The following CIMIP1 variants were observed in gnomAD, a reference collection of about 807,000 sequenced individuals.
The protein encoded by CIMIP1 is ciliary microtubule inner protein 1, also known as low in lung cancer 1.
the CIMIP1 span, among the ~76,000 whole-genome samples, chr20:58,159,441 G>C: frequency 6.6e-6 from 1 of 151,644 alleles, no homozygotes; most frequent in Non-Finnish European, 1.5e-5. Flanking sequence ...CTTGAACCCA[G>C]GAGGCAGACG....
At chr20:58,159,928 G>A in the CIMIP1 span, among the ~76,000 whole-genome samples, 127 of 152,248 alleles carry the variant, frequency 8.3e-4, 1 homozygote, top group East Asian at 0.017. Context: ...CCGCCTCACC[G>A]GCAGGTTCCA....
the CIMIP1 span, among the ~76,000 whole-genome samples, chr20:58,153,173 C>T: frequency 6.6e-6 from 1 of 152,212 alleles, no homozygotes; most frequent in Admixed American, 6.5e-5. Flanking sequence ...TGTCTCTGCA[C>T]TTGCAGGAAG....
chr20:58,154,283 A>G, the CIMIP1 span, among the ~76,000 whole-genome samples: 1,722 of 152,356 alleles, frequency 0.011, 26 homozygotes, highest in African/African-American at 0.039. Context: ...GGCAGCCAGC[A>G]TGAGCCCAGC....
the CIMIP1 span, chr20:58,160,618 T>G: frequency 1.3e-6 from 2 of 1,589,754 alleles, no homozygotes; most frequent in Non-Finnish European, 1.7e-6. Flanking sequence ...GCCTCGTGTC[T>G]CTGTGGCCGA....
chr20:58,155,391 C>A, the CIMIP1 span: 3 of 1,223,912 alleles, frequency 2.5e-6, no homozygotes, highest in Non-Finnish European at 3.5e-6. Flanking sequence ...TGAGGCTTCC[C>A]GTCTCTGGGG....
At chr20:58,154,118 G>A in the CIMIP1 span, among the ~76,000 whole-genome samples, 3 of 152,212 alleles carry the variant, frequency 2.0e-5, no homozygotes, top group Non-Finnish European at 4.4e-5. Flanking sequence ...ACATATGAGG[G>A]ATTCTTGGGA....
chr20:58,159,177 TTTC>T, the CIMIP1 span, among the ~76,000 whole-genome samples: 1 of 135,930 alleles, frequency 7.4e-6, no homozygotes, highest in Non-Finnish European at 1.6e-5. Context: ...GCATCTGCAC[TTTC>T]TTCTTTTTTT....
the CIMIP1 span, among the ~76,000 whole-genome samples, chr20:58,158,606 T>C: frequency 1.3e-5 from 2 of 151,622 alleles, no homozygotes; most frequent in African/African-American, 4.9e-5. Context: ...GCCGAGATCG[T>C]GCCACTGCAC....
chr20:58,155,066 A>G, the CIMIP1 span, among the ~76,000 whole-genome samples: 6 of 152,194 alleles, frequency 3.9e-5, no homozygotes, highest in Non-Finnish European at 5.9e-5. Flanking sequence ...TCGGCCTCCC[A>G]AAGTGTTGGG....
chr20:58,158,836 G>A, the CIMIP1 span, among the ~76,000 whole-genome samples: 3 of 152,120 alleles, frequency 2.0e-5, no homozygotes, highest in Non-Finnish European at 4.4e-5. Flanking sequence ...CATTTGTCAC[G>A]CACTCTTGCA....
the CIMIP1 span, among the ~76,000 whole-genome samples, chr20:58,157,861 G>A: frequency 6.6e-6 from 1 of 152,230 alleles, no homozygotes; most frequent in East Asian, 1.9e-4. Context: ...TAGAGGAAGA[G>A]AGACTGGGAT....
chr20:58,159,496 C>T, the CIMIP1 span, among the ~76,000 whole-genome samples: 1 of 146,838 alleles, frequency 6.8e-6, no homozygotes, highest in Non-Finnish European at 1.5e-5. Flanking sequence ...GCCTGGATGA[C>T]AGAGCAAGAC....
the CIMIP1 span, among the ~76,000 whole-genome samples, chr20:58,159,183 CTTTTTT>C: frequency 4.8e-5 from 5 of 104,080 alleles, no homozygotes; most frequent in African/African-American, 1.9e-4. Context: ...GCACTTTCTT[CTTTTTT>C]TTTTTTTTTT....
chr20:58,157,560 C>T, the CIMIP1 span, among the ~76,000 whole-genome samples: 1 of 152,298 alleles, frequency 6.6e-6, no homozygotes, highest in South Asian at 2.1e-4. Flanking sequence ...TCTTTCCATG[C>T]AGTTTAAAAA....
chr20:58,153,015 C>T, the CIMIP1 span, among the ~76,000 whole-genome samples: 2 of 152,054 alleles, frequency 1.3e-5, no homozygotes, highest in African/African-American at 2.4e-5. Context: ...CACGTGGGCT[C>T]GTCTACTGCA....
At chr20:58,160,815 T>G in the CIMIP1 span, 1 of 1,612,008 alleles carries the variant, frequency 6.2e-7, no homozygotes, top group East Asian at 2.2e-5. Context: ...AAGCAGGGCG[T>G]GCACTGAATC....
chr20:58,153,939 A>G, the CIMIP1 span, among the ~76,000 whole-genome samples: 11 of 152,324 alleles, frequency 7.2e-5, no homozygotes, highest in Middle Eastern at 3.4e-3. Flanking sequence ...CACACAACTG[A>G]TAAGGACCCT....
the CIMIP1 span, among the ~76,000 whole-genome samples, chr20:58,153,962 A>G: frequency 2.0e-5 from 3 of 152,188 alleles, no homozygotes; most frequent in African/African-American, 7.2e-5. Flanking sequence ...TCAGGTGAGA[A>G]GCAGGTGGGT....
At chr20:58,155,955 G>A in the CIMIP1 span, among the ~76,000 whole-genome samples, 13 of 152,294 alleles carry the variant, frequency 8.5e-5, no homozygotes, top group South Asian at 4.1e-4. Context: ...TGTGGTCTTG[G>A]GCAAGTGGCT....
Sources: gnomAD v4.1 joint callset for allele counts (sites outside exome capture counted in the v4.1 genomes callset) on GRCh38, gnomAD v4.1.1 for gene constraint, MANE v1.5 for transcripts, NCBI Gene and HGNC (gene_info 2026-07-23, HGNC 2026-07-21) for gene names.